PLA2G6: variants seen among roughly 807,000 people sequenced by gnomAD.
PLA2G6 encodes phospholipase A2 group VI.
In PLA2G6, 62 loss-of-function variants were observed where a neutral mutation model predicts 83.8. The ratio of observed to expected loss-of-function variants is 0.74; its 90% CI spans 0.60 to 0.91. The LOEUF (loss-of-function observed/expected upper bound fraction) is 0.91. Among genes scored for constraint, PLA2G6 ranks in the 40% least tolerant of loss-of-function variants. PLA2G6 has a pLI of 0.00. For synonymous variants in PLA2G6, 417 were observed against 449.8 expected (o/e 0.93, Z 0.92); for missense variants, 944 against 1,102.0 (o/e 0.86, Z 2.03).
intron 12 of PLA2G6, among the ~76,000 whole-genome samples, chr22:38,117,738 G>A (rs2145695416): frequency 6.6e-6 from 1 of 152,156 alleles, no homozygotes; most frequent in Middle Eastern, 3.4e-3. Context: ...TGGATGCCAA[G>A]TGAAATAAGC....
chr22:38,111,924 CA>C lies in PLA2G6; in HGVS notation c.*236del. ...GTCCTTGACAGTCAGGGAAAGGGGCCAAAGGGGGCTCTAGACTTTCCCAGCC... is the reference window on the plus strand; with the variant it reads ...GTCCTTGACAGTCAGGGAAAGGGGCCAAGGGGGCTCTAGACTTTCCCAGCC... On this transcript the variant is annotated 3_prime_UTR_variant, in exon 17 of 17. Transcript: ENST00000332509. 1.7e-6 allele frequency: 1 copy of C among 584,668 alleles called. No homozygotes were observed. The highest frequency in any genetic ancestry group is 2.0e-5 in the South Asian group (1 of 50,950). 36.2% of individuals were successfully genotyped at this position (584,668 alleles called of 1,614,324 possible). A position where few individuals can be genotyped will look rare whatever the true frequency, so the allele number is the denominator to read the frequency against.
chr22:38,133,013 T>A lies in PLA2G6; in HGVS notation c.895A>T (p.Met299Leu). Residue 299 changes from methionine to leucine, a missense_variant and splice_region_variant, in exon 7 of 17, where the codon ATG becomes TTG. Transcript: ENST00000332509. ...SPLHWAKNAE[M>L]ARMLLKRGCN... ...CCCCGTTTCAGCAGCATGCGGGCCATCTGCGGGAGACGGTCAGGCTGAGTT... is the reference window on the plus strand; with the variant it reads ...CCCCGTTTCAGCAGCATGCGGGCCAACTGCGGGAGACGGTCAGGCTGAGTT... 6.4e-7 allele frequency: 1 copy of A among 1,560,924 alleles called. No individual in the cohort carries two copies. The highest frequency in any genetic ancestry group is 8.7e-7 in the Non-Finnish European group (1 of 1,154,212).
At chr22:38,161,125 AT>A (rs895574376) in intron 2 of PLA2G6, among the ~76,000 whole-genome samples, 3 of 151,816 alleles carry the variant, frequency 2.0e-5, no homozygotes, top group Non-Finnish European at 4.4e-5. Context: ...TCAAGAAATA[AT>A]TTTTTTTTAA....
chr22:38,120,753 G>A lies in PLA2G6; in HGVS notation c.1742+6C>T, dbSNP rs1414305047. The A allele has an allele frequency of 6.2e-7, 1 of 1,613,392 alleles. No individual in the cohort carries two copies. Among genetic ancestry groups the A allele is most frequent in the East Asian group, 2.2e-5 (1 of 44,894 alleles). ...GCGGCCACGGCCCCAGTGCGCCAGGGCTTACTTGGGTTTCCTGACGTCCGT... is the reference window on the plus strand; with the variant it reads ...GCGGCCACGGCCCCAGTGCGCCAGGACTTACTTGGGTTTCCTGACGTCCGT... On this transcript the variant is annotated splice_donor_region_variant and intron_variant, in intron 12 of 16. Transcript: ENST00000332509.
At chr22:38,155,371 G>A (rs1476266263) in intron 2 of PLA2G6, among the ~76,000 whole-genome samples, 1 of 152,126 alleles carries the variant, frequency 6.6e-6, no homozygotes, top group Admixed American at 6.5e-5. Flanking sequence ...AGAACTTAAT[G>A]GTAATAGCAA....
chr22:38,118,267 G>A (rs1423264535), intron 12 of PLA2G6, among the ~76,000 whole-genome samples: 1 of 152,158 alleles, frequency 6.6e-6, no homozygotes, highest in East Asian at 1.9e-4. Context: ...AGTGAGGTGT[G>A]GAGCTTAATT....
At position 38,126,381 on chromosome 22, in the gene PLA2G6, C is replaced by T. The variant is rs777645662; in HGVS notation, c.1417G>A (p.Glu473Lys). 55 of 1,612,946 alleles carry T rather than the reference C, an allele frequency of 3.4e-5. No homozygotes were observed. Among genetic ancestry groups the T allele is most frequent in the Admixed American group, 1.5e-4 (9 of 60,006 alleles). The change falls in exon 10 of 17, where the codon GAG becomes AAG. Residue 473 changes from glutamate to lysine, a missense_variant. By Grantham distance (56) the Glu-to-Lys change is moderately conservative. Transcript: ENST00000332509. ...PAFILGSMRD[E>K]KRTHDHLLCL... is the part of the protein sequence containing the mutation. ...TCTCGATCCACTTACGTCCGCTTCT[C>T]GTCCCTCATGGAGCCCAGGATGAAC...
chr22:38,125,081 C>G (rs11570719), intron 10 of PLA2G6, among the ~76,000 whole-genome samples: 17,869 of 152,298 alleles, frequency 0.12, 1,297 homozygotes, highest in African/African-American at 0.19. Context: ...TCAGGTGCAG[C>G]TGCCTCACCT....
intron 2 of PLA2G6, among the ~76,000 whole-genome samples, chr22:38,153,585 G>A (rs1305516020): frequency 3.3e-5 from 5 of 150,310 alleles, no homozygotes; most frequent in Non-Finnish European, 5.9e-5. Context: ...GCAGTGAGCC[G>A]AGATCGCGCC....
At chr22:38,169,987 C>G (rs1569300976) in intron 1 of PLA2G6, among the ~76,000 whole-genome samples, 2 of 152,072 alleles carry the variant, frequency 1.3e-5, no homozygotes, top group Admixed American at 6.6e-5. Flanking sequence ...CATTTGAGGT[C>G]AGAAATTCGA....
At chr22:38,148,486 G>A (rs769525061) in intron 2 of PLA2G6, 5 of 716,522 alleles carry the variant, frequency 7.0e-6, no homozygotes, top group South Asian at 4.5e-5. Flanking sequence ...AGACACTGAT[G>A]ACTCACCAGG....
Position 38,163,599 on chromosome 22 carries a change from G to C in PLA2G6, c.209+5619C>G, listed in dbSNP as rs548735032. On this transcript the variant is annotated intron_variant, in intron 2 of 16. Coordinates refer to ENST00000332509, the MANE Select transcript of PLA2G6 (RefSeq NM_003560.4). ...CATGGGGGGTGCTGAGGCTCTGAGTGGGAACAGGACAGGCCCACAGAGCAG... is the reference window on the plus strand; with the variant it reads ...CATGGGGGGTGCTGAGGCTCTGAGTCGGAACAGGACAGGCCCACAGAGCAG... 68 of 169,614 alleles carry C rather than the reference G, an allele frequency of 4.0e-4. 1 individual carries two copies. In the South Asian group the frequency reaches 0.013, roughly 31 times the overall value. 10.5% of individuals were successfully genotyped at this position (169,614 alleles called of 1,614,324 possible). A position where few individuals can be genotyped will look rare whatever the true frequency, so the allele number is the denominator to read the frequency against.
intron 1 of PLA2G6, among the ~76,000 whole-genome samples, chr22:38,171,129 G>A (rs132997): frequency 0.11 from 16,621 of 146,432 alleles, 1,101 homozygotes; most frequent in African/African-American, 0.17. Context: ...CTGAGATGGC[G>A]CCATTGCACT....
chr22:38,138,659 T>G (rs1175349651), intron 5 of PLA2G6: 1 of 152,224 alleles, frequency 6.6e-6, no homozygotes, highest in African/African-American at 2.4e-5. Flanking sequence ...TTCTAGATGT[T>G]GTTCCTGTTA....
intron 14 of PLA2G6, among the ~76,000 whole-genome samples, chr22:38,115,282 C>T (rs537757879): frequency 8.3e-4 from 127 of 152,298 alleles, no homozygotes; most frequent in Admixed American, 2.8e-3. Flanking sequence ...GTATGCATGC[C>T]GCCCTCCCCA....
Position 38,111,723 on chromosome 22 carries a change from G to C in PLA2G6, c.*438C>G. 1 of 253,720 alleles carries C rather than the reference G, an allele frequency of 3.9e-6. No homozygotes were observed. Among genetic ancestry groups the C allele is most frequent in the Non-Finnish European group, 7.9e-6 (1 of 126,534 alleles). 15.7% of individuals were successfully genotyped at this position (253,720 alleles called of 1,614,324 possible). A position where few individuals can be genotyped will look rare whatever the true frequency, so the allele number is the denominator to read the frequency against. ...CCCATTTCTTTAGTCCCAGCCCCCA[G>C]GGAACGGAGCAGAGGGCAGAGGGAG... On this transcript the variant is annotated 3_prime_UTR_variant, in exon 17 of 17. Transcript: ENST00000332509.
intron 2 of PLA2G6, among the ~76,000 whole-genome samples, chr22:38,165,694 T>C (rs1327526082): frequency 2.6e-5 from 4 of 151,868 alleles, no homozygotes; most frequent in Non-Finnish European, 4.4e-5. Context: ...TAAGAGTAGA[T>C]GGTGAAACCC....
intron 1 of PLA2G6, among the ~76,000 whole-genome samples, chr22:38,172,286 G>A (rs1157207081): frequency 1.3e-5 from 2 of 152,214 alleles, no homozygotes; most frequent in African/African-American, 4.8e-5. Context: ...AGTGGGTGGA[G>A]CAGTGAAAGC....
At chr22:38,180,860 C>CT (rs1397333588) in intron 1 of PLA2G6, among the ~76,000 whole-genome samples, 1 of 152,270 alleles carries the variant, frequency 6.6e-6, no homozygotes, top group East Asian at 1.9e-4. Context: ...GGCAGAAACT[C>CT]TAACAAAAAC....
Sources: allele counts gnomAD v4.1 joint callset (sites outside exome capture counted in the v4.1 genomes callset), GRCh38; gene constraint gnomAD v4.1.1; transcripts MANE v1.5; gene names NCBI Gene and HGNC (gene_info 2026-07-23, HGNC 2026-07-21).